The following MTAP variants were observed in gnomAD, a reference collection of about 807,000 sequenced individuals.
MTAP encodes the protein S-methyl-5'-thioadenosine phosphorylase.
MTAP carries 33 observed loss-of-function variants against 33.6 expected under a neutral mutation model. The ratio of observed to expected loss-of-function variants is 0.98; its 90% CI spans 0.74 to 1.31. The LOEUF (loss-of-function observed/expected upper bound fraction) is 1.31, where lower values mean the gene tolerates loss of function less well. Among genes scored for constraint, MTAP ranks in the 40% most tolerant of loss-of-function variants. MTAP has a pLI of 0.00. For synonymous variants in MTAP, 148 were observed against 125.7 expected, an observed-to-expected ratio of 1.18 and a Z score of -1.19; for missense variants, 367 against 360.0, an observed-to-expected ratio of 1.02 and a Z score of -0.16.
intron 4 of MTAP, among the ~76,000 whole-genome samples, chr9:21,824,029 T>C (rs993612070): frequency 6.6e-6 from 1 of 152,220 alleles, no homozygotes; most frequent in East Asian, 1.9e-4. Context: ...TCAAGGTTTT[T>C]AGCTTCTTTG....
At chr9:21,874,610 T>C (rs540281669) in intron 1 of MTAP, among the ~76,000 whole-genome samples, 1 of 152,280 alleles carries the variant, frequency 6.6e-6, no homozygotes, top group South Asian at 2.1e-4. Flanking sequence ...TTAATGCTGA[T>C]GGTAGTTTCT....
intron 1 of MTAP, among the ~76,000 whole-genome samples, chr9:21,891,823 A>G (rs918543705): frequency 2.0e-5 from 3 of 152,212 alleles, no homozygotes; most frequent in East Asian, 1.9e-4. Context: ...ACACATAGTT[A>G]TCAGATTCTC....
chr9:21,861,037 C>G (rs1825742818), intron 7 of MTAP: 1 of 152,230 alleles, frequency 6.6e-6, no homozygotes, highest in African/African-American at 2.4e-5. Context: ...GCTGGGATTA[C>G]AGGCATGAGC....
intron 1 of MTAP, among the ~76,000 whole-genome samples, chr9:21,907,556 C>G (rs1182369617): frequency 6.6e-6 from 1 of 152,016 alleles, no homozygotes; most frequent in Non-Finnish European, 1.5e-5. Context: ...GAGCCTGTCT[C>G]AAAAACAACA....
At chr9:21,811,803 G>A in intron 1 of MTAP, 1 of 518,640 alleles carries the variant, frequency 1.9e-6, no homozygotes, top group South Asian at 1.4e-5. Context: ...CCTGTGAACT[G>A]CTCTGAGATG....
At chr9:21,931,492 T>C, downstream of MTAP, 1 of 254,826 alleles carries the variant, frequency 3.9e-6, no homozygotes, top group South Asian at 1.2e-4. Flanking sequence ...GATAGAAAAG[T>C]CCTGAAGCTG....
At chr9:21,825,119 G>T (rs1305224786) in intron 4 of MTAP, among the ~76,000 whole-genome samples, 1 of 152,138 alleles carries the variant, frequency 6.6e-6, no homozygotes, top group African/African-American at 2.4e-5. Context: ...GGCACCCACT[G>T]TCCGACAAGC....
At chr9:21,847,416 A>G (rs1183362541) in intron 5 of MTAP, among the ~76,000 whole-genome samples, 3 of 152,210 alleles carry the variant, frequency 2.0e-5, no homozygotes, top group African/African-American at 7.2e-5. Flanking sequence ...TGACTGCTTA[A>G]TATGATTAGA....
intron 1 of MTAP, among the ~76,000 whole-genome samples, chr9:21,918,583 G>C (rs552395830): frequency 6.6e-6 from 1 of 152,156 alleles, no homozygotes; most frequent in African/African-American, 2.4e-5. Flanking sequence ...ATGTGGTTTC[G>C]CTGCATCCTC....
chr9:21,931,270 C>A, downstream of MTAP: 1 of 596,082 alleles, frequency 1.7e-6, no homozygotes, highest in Non-Finnish European at 3.0e-6. Context: ...AGAAGACTGA[C>A]CTTCATCCAG....
At chr9:21,802,817 T>C (rs1329532072) in intron 1 of MTAP, 36 bp downstream of exon 1, 1 of 1,611,276 alleles carries the variant, frequency 6.2e-7, no homozygotes, top group East Asian at 2.2e-5. Flanking sequence ...CGGTTCGCCC[T>C]GCCGGATGCC....
intron 4 of MTAP, among the ~76,000 whole-genome samples, chr9:21,829,860 A>G (rs1359095910): frequency 6.6e-6 from 1 of 152,220 alleles, no homozygotes; most frequent in African/African-American, 2.4e-5. Context: ...AATGAAATAT[A>G]CTTTTGAAGG....
intron 1 of MTAP, among the ~76,000 whole-genome samples, chr9:21,895,865 T>C (rs1818283741): frequency 6.6e-6 from 1 of 152,170 alleles, no homozygotes; most frequent in Non-Finnish European, 1.5e-5. Context: ...CCTGCCTCTG[T>C]AGATTCCACC....
intron 5 of MTAP, among the ~76,000 whole-genome samples, chr9:21,845,370 T>C (rs1825354496): frequency 6.6e-6 from 1 of 152,172 alleles, no homozygotes. Context: ...ATAGCACTTT[T>C]ATAGACCAAC....
At chr9:21,907,467 G>A (rs1298916019) in intron 1 of MTAP, among the ~76,000 whole-genome samples, 2 of 152,218 alleles carry the variant, frequency 1.3e-5, no homozygotes, top group Admixed American at 1.3e-4. Context: ...TGAAGCGAGA[G>A]GATGGCTTGA....
intron 1 of MTAP, among the ~76,000 whole-genome samples, chr9:21,883,519 A>C (rs545173252): frequency 2.4e-4 from 36 of 152,190 alleles, no homozygotes; most frequent in African/African-American, 7.9e-4. Context: ...GTCTGGATCC[A>C]ATCAGGAGAT....
downstream of MTAP, among the ~76,000 whole-genome samples, chr9:21,870,955 G>T (rs1042002997): frequency 2.6e-5 from 4 of 151,648 alleles, no homozygotes; most frequent in African/African-American, 9.7e-5. Context: ...ATTTTCAGTA[G>T]AGACAGGGTT....
intron 1 of MTAP, among the ~76,000 whole-genome samples, chr9:21,887,162 C>T (rs896667874): frequency 3.9e-5 from 6 of 151,950 alleles, no homozygotes; most frequent in Non-Finnish European, 7.4e-5. Flanking sequence ...GCACAACGTG[C>T]CCGTTTGTTA....
intron 6 of MTAP, among the ~76,000 whole-genome samples, chr9:21,855,141 A>C (rs1338949035): frequency 6.6e-6 from 1 of 152,212 alleles, no homozygotes; most frequent in Non-Finnish European, 1.5e-5. Flanking sequence ...CCTTATTTTC[A>C]GGATAAAGGT....
Sources: allele counts gnomAD v4.1 joint callset (sites outside exome capture counted in the v4.1 genomes callset), GRCh38; gene constraint gnomAD v4.1.1; transcripts MANE v1.5; gene names NCBI Gene and HGNC (gene_info 2026-07-23, HGNC 2026-07-21).